Variants in VPS37A observed in about 807,000 individuals in gnomAD.
VPS37A encodes the protein VPS37A subunit of ESCRT-I, also known as vacuolar protein sorting-associated protein 37A.
VPS37A carries 30 observed loss-of-function variants against 49.8 expected under a neutral mutation model. The ratio of observed to expected loss-of-function variants is 0.60; its 90% CI spans 0.45 to 0.82. The LOEUF is 0.82. Among genes scored for constraint, VPS37A ranks in the 40% least tolerant of loss-of-function variants. The probability of loss-of-function intolerance (pLI) is 0.00; values close to 1 mark genes in which losing one functional copy is unlikely to be tolerated. For missense variants in VPS37A, 593 were observed against 464.4 expected, an observed-to-expected ratio of 1.28 and a Z score of -2.55; for synonymous variants, 195 against 160.6, an observed-to-expected ratio of 1.21 and a Z score of -1.62.
chr8:17,273,078 T>G (rs1205125586), intron 4 of VPS37A, among the ~76,000 whole-genome samples: 1 of 146,506 alleles, frequency 6.8e-6, no homozygotes, highest in African/African-American at 2.6e-5. Flanking sequence ...TGATATGGTT[T>G]TGGAAAGTTT....
intron 1 of VPS37A, among the ~76,000 whole-genome samples, chr8:17,252,913 T>A (rs1812107185): frequency 6.6e-6 from 1 of 151,506 alleles, no homozygotes; most frequent in South Asian, 2.1e-4. Context: ...GAGCTCTATA[T>A]AGTAAACTTT....
At chr8:17,323,531 G>A in the VPS37A span, among the ~76,000 whole-genome samples, 2 of 152,092 alleles carry the variant, frequency 1.3e-5, no homozygotes, top group African/African-American at 2.4e-5. Context: ...TGGAAAGTCC[G>A]GCGTGGATGT....
intron 11 of VPS37A, among the ~76,000 whole-genome samples, chr8:17,293,890 C>T (rs1417548833): frequency 6.6e-6 from 1 of 152,200 alleles, no homozygotes; most frequent in Non-Finnish European, 1.5e-5. Flanking sequence ...GTCTGTCAAC[C>T]CCTGCTGGGA....
the VPS37A span, among the ~76,000 whole-genome samples, chr8:17,326,914 A>G: frequency 6.6e-6 from 1 of 152,218 alleles, no homozygotes; most frequent in African/African-American, 2.4e-5. Flanking sequence ...TATACCGACC[A>G]TAGCAAGTAT....
intron 1 of VPS37A, among the ~76,000 whole-genome samples, chr8:17,264,169 GA>G (rs1483007837): frequency 6.6e-6 from 1 of 152,032 alleles, no homozygotes; most frequent in African/African-American, 2.4e-5. Context: ...ACTTACCCAT[GA>G]CAGTAAATAA....
chr8:17,257,496 C>T (rs973457807), intron 1 of VPS37A, among the ~76,000 whole-genome samples: 5 of 151,636 alleles, frequency 3.3e-5, no homozygotes, highest in Non-Finnish European at 5.9e-5. Context: ...TGTCAGGGGG[C>T]GTTAGGGGAG....
At chr8:17,302,049 A>C (rs1586129609), downstream of VPS37A, 2 of 1,476,890 alleles carry the variant, frequency 1.4e-6, no homozygotes, top group African/African-American at 2.8e-5. Flanking sequence ...ACTGACTAAA[A>C]ATGTGAAATA....
chr8:17,256,711 G>C (rs773824187), intron 1 of VPS37A, among the ~76,000 whole-genome samples: 1 of 151,726 alleles, frequency 6.6e-6, no homozygotes, highest in African/African-American at 2.4e-5. Flanking sequence ...GGAGTGCAAT[G>C]GCACTGTCTC....
At chr8:17,278,298 C>G (rs1206490263) in intron 6 of VPS37A, among the ~76,000 whole-genome samples, 1 of 151,944 alleles carries the variant, frequency 6.6e-6, no homozygotes, top group African/African-American at 2.4e-5. Context: ...ATTAATATAG[C>G]AAGGGTCATA....
downstream of VPS37A, among the ~76,000 whole-genome samples, chr8:17,303,572 T>C (rs17124336): frequency 0.02 from 3,089 of 151,526 alleles, 113 homozygotes; most frequent in African/African-American, 0.07. Context: ...ACTTGTAGGA[T>C]GCCACCCTGC....
downstream of VPS37A, chr8:17,299,274 C>A (rs1316711531): frequency 6.6e-6 from 1 of 152,172 alleles, no homozygotes; most frequent in Non-Finnish European, 1.5e-5. Flanking sequence ...ATTATTCTCA[C>A]AATTCAAAAT....
chr8:17,294,405 C>G lies in VPS37A; in HGVS notation c.*1-582C>G, dbSNP rs549128878. Among the ~76,000 whole-genome samples the G allele has an allele frequency of 4.7e-4, 71 of 152,288 alleles. 1 individual carries two copies. Among genetic ancestry groups the G allele is most frequent in the African/African-American group, 1.6e-3 (65 of 41,576 alleles). On this transcript the variant is annotated intron_variant, in intron 11 of 11. Coordinates refer to ENST00000324849, the MANE Select transcript of VPS37A (RefSeq NM_152415.3). ...TTGCTAGACTCCATAGGGGTGGGAT[C>G]CGCTGAGCAAGACCATTTGGCTCCC... is the stretch of plus-strand genomic sequence containing the variant.
chr8:17,272,075 G>A (rs1473534501), intron 4 of VPS37A: 5 of 456,538 alleles, frequency 1.1e-5, no homozygotes, highest in Non-Finnish European at 2.2e-5. Flanking sequence ...TACATTTTCT[G>A]TTTTCCATAT....
At chr8:17,303,884 G>C (rs894596154), downstream of VPS37A, among the ~76,000 whole-genome samples, 1 of 152,184 alleles carries the variant, frequency 6.6e-6, no homozygotes, top group African/African-American at 2.4e-5. Flanking sequence ...CAATCTTAAT[G>C]TAATTTCCAC....
intron 6 of VPS37A, 37 bp from the exon 7 acceptor site, chr8:17,279,991 C>A: frequency 6.2e-7 from 1 of 1,607,340 alleles, no homozygotes; most frequent in Non-Finnish European, 8.5e-7. Flanking sequence ...AACTCGATGT[C>A]TGATATTTAT....
chr8:17,293,915 A>T (rs988866239), intron 11 of VPS37A, among the ~76,000 whole-genome samples: 3 of 152,222 alleles, frequency 2.0e-5, no homozygotes, highest in African/African-American at 7.2e-5. Flanking sequence ...TCTGCCTGTC[A>T]GGAGGCACGG....
In VPS37A at chr8:17,247,340, G is replaced by T. The variant is rs199577037; in HGVS notation, c.96G>T (p.Leu32=). 1.3e-6 allele frequency: 2 copies of T among 1,523,516 alleles called. No individual in the cohort carries two copies. The highest frequency in any genetic ancestry group is 8.8e-7 in the Non-Finnish European group (1 of 1,130,892). 94.4% of individuals were successfully genotyped at this position (1,523,516 alleles called of 1,614,324 possible). ...LTSLQQQKQR[L]IESLRNSHSS... The stretch of plus-strand genomic sequence containing the variant: ...GCCTCCAGCAGCAGAAGCAGCGCCT[G>T]ATCGAGTCCCTCCGGAACTCACACT... The change falls in exon 1 of 12, where the codon CTG becomes CTT. Residue 32 remains leucine, a synonymous_variant. Transcript: ENST00000324849.
chr8:17,293,970 C>G (rs1816377491), intron 11 of VPS37A, among the ~76,000 whole-genome samples: 1 of 152,216 alleles, frequency 6.6e-6, no homozygotes, highest in Non-Finnish European at 1.5e-5. Flanking sequence ...CTTAGCAGAG[C>G]TAGAGCATGG....
chr8:17,317,391 G>A, the VPS37A span, among the ~76,000 whole-genome samples: 3 of 152,300 alleles, frequency 2.0e-5, no homozygotes, highest in Middle Eastern at 3.4e-3. Context: ...AGTGCATCAC[G>A]TTGGATGCCA....
Sources: allele counts gnomAD v4.1 joint callset (sites outside exome capture counted in the v4.1 genomes callset), GRCh38; gene constraint gnomAD v4.1.1; transcripts MANE v1.5; gene names NCBI Gene and HGNC (gene_info 2026-07-23, HGNC 2026-07-21).